The following CRELD2 variants were observed in gnomAD, a reference collection of about 807,000 sequenced individuals.
CRELD2 encodes protein disulfide isomerase CRELD2.
Under a neutral mutation model 48.1 loss-of-function variants are expected in CRELD2, and 33 were observed. The observed-to-expected ratio is 0.69, with a 90% CI of 0.52 to 0.92. The LOEUF (loss-of-function observed/expected upper bound fraction) is 0.92. CRELD2 is among the 40% of genes least tolerant of loss of function. The pLI is 0.00. For missense variants in CRELD2, 477 were observed against 482.4 expected, an observed-to-expected ratio of 0.99 and a Z score of 0.10; for synonymous variants, 220 against 203.9, an observed-to-expected ratio of 1.08 and a Z score of -0.67.
chr22:49,922,492 A>G (rs939010748), intron 5 of CRELD2, 120 bp from the exon 6 acceptor site: 5 of 1,524,218 alleles, frequency 3.3e-6, no homozygotes, highest in African/African-American at 2.8e-5. Flanking sequence ...TTTTAAATTC[A>G]TGGGCACTGA....
intron 6 of CRELD2, 113 bp downstream of exon 6, chr22:49,922,820 TG>T (rs2060709116): frequency 5.6e-5 from 2 of 35,472 alleles, no homozygotes; most frequent in African/African-American, 8.6e-4. Flanking sequence ...CAGGGGGGCG[TG>T]AAGTGTGGGG....
chr22:49,927,212 C>G (rs1226315242), intron 9 of CRELD2, 43 bp from the exon 10 acceptor site: 3 of 1,580,264 alleles, frequency 1.9e-6, no homozygotes, highest in Non-Finnish European at 2.6e-6. Context: ...TCCCCAGGGC[C>G]CTTTGTGCTC....
chr22:49,924,775 C>T, intron 8 of CRELD2: 1 of 213,502 alleles, frequency 4.7e-6, no homozygotes. Context: ...AGGCTTAAGT[C>T]CAGGCCTGCC....
At chr22:49,923,647 G>T in intron 7 of CRELD2, 1 of 473,548 alleles carries the variant, frequency 2.1e-6, no homozygotes, top group Non-Finnish European at 3.9e-6. Context: ...GCAGCTTGTT[G>T]CGAACGTCTC....
In CRELD2 at chr22:49,925,541, G is replaced by T. The variant is rs2060752566; in HGVS notation, c.993G>T (p.Val331=). 6.2e-7 allele frequency: 1 copy of T among 1,613,720 alleles called. No homozygotes were observed. Among genetic ancestry groups the T allele is most frequent in the Non-Finnish European group, 8.5e-7 (1 of 1,180,000 alleles). ...DGFEETEDAC[V]PPAEAEATEG... is the part of the protein sequence containing the mutation. The stretch of plus-strand genomic sequence containing the variant: ...TCGAAGAAACGGAAGATGCCTGTGT[G>T]CCGCCGGCAGAGGCTGGTGAGTGGC... Residue 331 remains valine, a synonymous_variant, in exon 9 of 10, where the codon GTG becomes GTT. Coordinates refer to ENST00000328268, the MANE Select transcript of CRELD2 (RefSeq NM_024324.5).
Position 49,922,149 on chromosome 22 carries a change from TC to T in CRELD2, c.592+391del, listed in dbSNP as rs1369239980. ...TGGCATCTTTCCAAAGGACGTTTTCTCCCTGGTTGTCACTGATATGTAGGAA... is the reference window on the plus strand; with the variant it reads ...TGGCATCTTTCCAAAGGACGTTTTCTCCTGGTTGTCACTGATATGTAGGAA... On this transcript the variant is annotated intron_variant, in intron 5 of 9. Transcript: ENST00000328268. 3.3e-6 allele frequency: 3 copies of T among 901,958 alleles called. No homozygotes were observed. The African/African-American group carries it at 5.3e-5, about 16-fold the overall frequency. 55.9% of individuals were successfully genotyped at this position (901,958 alleles called of 1,614,324 possible). A position where few individuals can be genotyped will look rare whatever the true frequency, so the allele number is the denominator to read the frequency against.
chr22:49,925,088 G>A (rs920383092), intron 8 of CRELD2: 20 of 185,506 alleles, frequency 1.1e-4, no homozygotes, highest in East Asian at 7.9e-4. Flanking sequence ...AGGAGATCGC[G>A]CCACCGCACT....
intron 9 of CRELD2, chr22:49,925,825 G>A: frequency 8.8e-7 from 1 of 1,135,890 alleles, no homozygotes; most frequent in Non-Finnish European, 1.2e-6. Context: ...ACCTCAGCGG[G>A]CGATGAGCAG....
intron 4 of CRELD2, 171 bp from the exon 5 acceptor site, chr22:49,921,414 A>G (rs1308237840): frequency 2.9e-6 from 2 of 687,588 alleles, no homozygotes; most frequent in Non-Finnish European, 4.7e-6. Flanking sequence ...ATCCACCGCC[A>G]GCCCTGCAGA....
rs1482617629 is a variant in CRELD2 at position 49,919,774 on chromosome 22, G to A, written c.257G>A (p.Ser86Asn). ...ATCCTGGAGGGGCTGTGCGAGAGCA[G>A]CGACTTCGAATGCAATCAGATGCTA... ...LEILEGLCES[S>N]DFECNQMLEA... Residue 86 changes from serine to asparagine, a missense_variant, in exon 3 of 10, where the codon AGC becomes AAC. By Grantham distance (46) the Ser-to-Asn change is conservative. Coordinates refer to ENST00000328268, the MANE Select transcript of CRELD2 (RefSeq NM_024324.5). 13 of 1,612,706 alleles carry A rather than the reference G, an allele frequency of 8.1e-6. No individual in the cohort carries two copies. Among genetic ancestry groups the A allele is most frequent in the Non-Finnish European group, 1.0e-5 (12 of 1,179,566 alleles).
At chr22:49,924,823 G>A in intron 8 of CRELD2, 1 of 179,112 alleles carries the variant, frequency 5.6e-6, no homozygotes, top group Non-Finnish European at 1.2e-5. Flanking sequence ...GGGCGTGGAT[G>A]GAACCCGGTG....
At chr22:49,922,810 C>CGTA (rs2060708397) in intron 6 of CRELD2, 103 bp downstream of exon 6, 2 of 61,282 alleles carry the variant, frequency 3.3e-5, no homozygotes, top group African/African-American at 1.7e-4. Flanking sequence ...GGGCGGGAGG[C>CGTA]AGGGGGGCGT....
chr22:49,927,159 G>C (rs1202963465), intron 9 of CRELD2, 96 bp from the exon 10 acceptor site: 2 of 1,095,748 alleles, frequency 1.8e-6, no homozygotes, highest in South Asian at 1.3e-5. Flanking sequence ...AGGACTGGAC[G>C]GGCAGGCCCT....
chr22:49,922,810 CAG>C (rs1491443536), intron 6 of CRELD2, 103 bp downstream of exon 6: 3 of 61,290 alleles, frequency 4.9e-5, no homozygotes, highest in African/African-American at 3.4e-4. Flanking sequence ...GGGCGGGAGG[CAG>C]GGGGGCGTGA....
In CRELD2 at chr22:49,922,665, G is replaced by A. The variant is rs947827524; in HGVS notation, c.646G>A (p.Glu216Lys). Reference protein sequence around the residue: ...CSGLTNRDCGECEVGWVLDEG... With the variant: ...CSGLTNRDCGKCEVGWVLDEG... ...GGGCCTGACCAACAGAGACTGCGGC[G>A]AGTGTGAAGTGGGCTGGGTGCTGGA... The change falls in exon 6 of 10, where the codon GAG (glutamate) becomes AAG (lysine). Residue 216 changes from glutamate to lysine, a missense_variant. Physicochemically the swap from Glu to Lys is moderately conservative, Grantham distance 56 (BLOSUM62 1). Transcript: ENST00000328268. The A allele has an allele frequency of 5.7e-6, 9 of 1,568,492 alleles. No homozygotes were observed. Among genetic ancestry groups the A allele is most frequent in the African/African-American group, 1.4e-5 (1 of 71,570 alleles).
chr22:49,922,812 GGGGGGCGTGAAGTGTGGGGGCGTGAGGT>G (rs2060708938), intron 6 of CRELD2, 105 bp downstream of exon 6: 5 of 115,532 alleles, frequency 4.3e-5, no homozygotes, highest in Non-Finnish European at 6.8e-5. Flanking sequence ...GCGGGAGGCA[GGGGGGCGTGAAGTGTGGGGGCGTGAGGT>G]GGGGGCGTGA....
chr22:49,919,782 G>T lies in CRELD2; in HGVS notation c.265G>T (p.Glu89Ter). 2 of 1,613,050 alleles carry T rather than the reference G, an allele frequency of 1.2e-6. No homozygotes were observed. Among genetic ancestry groups the T allele is most frequent in the South Asian group, 1.1e-5 (1 of 90,742 alleles). Reference sequence around the variant, plus strand: ...GGGGCTGTGCGAGAGCAGCGACTTCGAATGCAATCAGATGCTAGAGGCGCA... The same window carrying T: ...GGGGCTGTGCGAGAGCAGCGACTTCTAATGCAATCAGATGCTAGAGGCGCA... ...LEGLCESSDFECNQMLEAQEE... is the reference protein window; with the variant it reads ...LEGLCESSDF The change falls in exon 3 of 10, where the codon GAA becomes TAA. Residue 89 changes from glutamate to a stop codon, truncating the protein, a stop_gained. Transcript: ENST00000328268. LOFTEE classifies it high-confidence loss of function.
At chr22:49,921,084 G>GCCACACA (rs2060681447) in intron 4 of CRELD2, among the ~76,000 whole-genome samples, 2 of 152,202 alleles carry the variant, frequency 1.3e-5, no homozygotes, top group Non-Finnish European at 2.9e-5. Flanking sequence ...CACGCCACAC[G>GCCACACA]CCTAGATGGT....
intron 4 of CRELD2, chr22:49,921,263 C>T (rs530161786): frequency 1.2e-5 from 4 of 330,084 alleles, no homozygotes; most frequent in African/African-American, 8.4e-5. Flanking sequence ...TGTGATGTCA[C>T]TAGGCAATAA....
Sources: gnomAD v4.1 joint callset for allele counts (sites outside exome capture counted in the v4.1 genomes callset) on GRCh38, gnomAD v4.1.1 for gene constraint, MANE v1.5 for transcripts, NCBI Gene and HGNC (gene_info 2026-07-23, HGNC 2026-07-21) for gene names.